CNTN5: variants seen among roughly 807,000 people sequenced by gnomAD.
The protein encoded by CNTN5 is contactin 5.
Under a neutral mutation model 129.1 loss-of-function variants are expected in CNTN5, and 77 were observed. The ratio of observed to expected loss-of-function variants is 0.60; its 90% CI spans 0.50 to 0.72. The LOEUF is 0.72. CNTN5 is among the 30% of genes least tolerant of loss of function. The pLI is 0.00. For synonymous variants in CNTN5, 509 were observed against 465.6 expected (o/e 1.09, Z -1.20); for missense variants, 1,478 against 1,328.8 (o/e 1.11, Z -1.75).
chr11:99,706,702 G>A (rs867243332), intron 3 of CNTN5, among the ~76,000 whole-genome samples: 1 of 151,316 alleles, frequency 6.6e-6, no homozygotes, highest in African/African-American at 2.4e-5. Context: ...ACATTCTTAC[G>A]AGTGAATTCT....
chr11:99,888,010 A>C (rs1043452740), intron 6 of CNTN5, among the ~76,000 whole-genome samples: 4 of 152,094 alleles, frequency 2.6e-5, no homozygotes, highest in African/African-American at 9.7e-5. Flanking sequence ...ATTAACCATC[A>C]CACCTAGGGA....
chr11:99,547,089 C>T (rs1252785882), intron 2 of CNTN5, among the ~76,000 whole-genome samples: 3 of 151,526 alleles, frequency 2.0e-5, no homozygotes, highest in Non-Finnish European at 4.4e-5. Context: ...CCGCAACCTC[C>T]ACTCCCTGGG....
chr11:99,950,043 G>A (rs1035035444), intron 7 of CNTN5, among the ~76,000 whole-genome samples: 3 of 152,130 alleles, frequency 2.0e-5, no homozygotes, highest in Non-Finnish European at 4.4e-5. Flanking sequence ...ATAAAAAAGA[G>A]AAAATTATTA....
chr11:100,262,788 A>G (rs1451815421), intron 17 of CNTN5, among the ~76,000 whole-genome samples: 3 of 152,112 alleles, frequency 2.0e-5, no homozygotes, highest in Non-Finnish European at 4.4e-5. Flanking sequence ...GGGGCCTGCC[A>G]GGGAGTGGGG....
At chr11:99,778,083 A>C (rs12360606) in intron 3 of CNTN5, among the ~76,000 whole-genome samples, 8,602 of 151,820 alleles carry the variant, frequency 0.057, 313 homozygotes, top group Non-Finnish European at 0.083. Flanking sequence ...ATTTTTTTTC[A>C]ACTTATCTTA....
intron 9 of CNTN5, among the ~76,000 whole-genome samples, chr11:100,012,593 T>G (rs1940594829): frequency 6.6e-6 from 1 of 152,162 alleles, no homozygotes; most frequent in Non-Finnish European, 1.5e-5. Context: ...TTAACCTGCC[T>G]CAGGAGAGAA....
intron 3 of CNTN5, among the ~76,000 whole-genome samples, chr11:99,705,126 A>T (rs1052848535): frequency 6.6e-6 from 1 of 151,406 alleles, no homozygotes; most frequent in African/African-American, 2.4e-5. Context: ...GTCACCCAGA[A>T]GTGTATACGA....
chr11:100,030,135 G>A (rs905539792), intron 9 of CNTN5, among the ~76,000 whole-genome samples: 2 of 152,106 alleles, frequency 1.3e-5, no homozygotes, highest in Admixed American at 6.6e-5. Flanking sequence ...AGCACTTTGG[G>A]TGACTGCAGT....
At chr11:99,138,213 G>A (rs1446283697) in intron 1 of CNTN5, among the ~76,000 whole-genome samples, 1 of 151,984 alleles carries the variant, frequency 6.6e-6, no homozygotes, top group African/African-American at 2.4e-5. Context: ...AACATGATAG[G>A]TGTTAGGTGT....
intron 17 of CNTN5, among the ~76,000 whole-genome samples, chr11:100,262,791 G>A (rs1193042820): frequency 6.6e-6 from 1 of 152,134 alleles, no homozygotes; most frequent in Non-Finnish European, 1.5e-5. Flanking sequence ...GCCTGCCAGG[G>A]AGTGGGGTCC....
chr11:99,782,680 C>T (rs1362739560), intron 3 of CNTN5, among the ~76,000 whole-genome samples: 7 of 151,602 alleles, frequency 4.6e-5, no homozygotes, highest in East Asian at 2.0e-4. Context: ...GCCGCATATC[C>T]ACAACTATCT....
chr11:99,961,933 C>A (rs933934256), intron 8 of CNTN5, among the ~76,000 whole-genome samples: 2 of 152,052 alleles, frequency 1.3e-5, no homozygotes, highest in Admixed American at 6.6e-5. Flanking sequence ...GGAACTCACA[C>A]CAACTTGCAA....
intron 12 of CNTN5, among the ~76,000 whole-genome samples, chr11:100,073,889 A>C (rs1045218092): frequency 2.6e-5 from 4 of 152,122 alleles, no homozygotes; most frequent in African/African-American, 9.7e-5. Context: ...GGTAATCATA[A>C]TTAGAACATG....
At chr11:99,788,352 G>A (rs1269602379) in intron 3 of CNTN5, among the ~76,000 whole-genome samples, 1 of 151,844 alleles carries the variant, frequency 6.6e-6, no homozygotes, top group East Asian at 1.9e-4. Context: ...GTTAAAAACT[G>A]TCTTGGGCAA....
At chr11:100,210,163 C>T (rs1428143370) in intron 15 of CNTN5, among the ~76,000 whole-genome samples, 3 of 139,474 alleles carry the variant, frequency 2.2e-5, no homozygotes, top group Non-Finnish European at 4.6e-5. Flanking sequence ...CAGTGAAAAC[C>T]TGCCTCTATA....
At chr11:99,979,178 TGA>T (rs1169783386) in intron 8 of CNTN5, among the ~76,000 whole-genome samples, 1 of 152,186 alleles carries the variant, frequency 6.6e-6, no homozygotes, top group African/African-American at 2.4e-5. Flanking sequence ...GCATGCCCTT[TGA>T]CTCTCGAAGA....
chr11:100,045,695 ATTCT>A (rs1942630888), intron 9 of CNTN5, among the ~76,000 whole-genome samples: 1 of 150,354 alleles, frequency 6.7e-6, no homozygotes, highest in South Asian at 2.1e-4. Context: ...GACTACCTAA[ATTCT>A]TTTAGATGTA....
Position 99,317,535 on chromosome 11 carries a change from A to G in CNTN5, c.-209-7811A>G, listed in dbSNP as rs1442908210. 2.0e-5 allele frequency among the ~76,000 whole-genome samples: 3 copies of G among 151,716 alleles called. No individual in the cohort carries two copies. In the East Asian group the frequency reaches 5.8e-4, roughly 29 times the overall value. On this transcript the variant is annotated intron_variant, in intron 1 of 24. Coordinates refer to ENST00000524871, the MANE Select transcript of CNTN5 (RefSeq NM_014361.4). ...GTTTTTGGAAAAGCTCATTTTGGGAACCTTTCCAGTCTGTCTTGGTGGTTT... is the reference window on the plus strand; with the variant it reads ...GTTTTTGGAAAAGCTCATTTTGGGAGCCTTTCCAGTCTGTCTTGGTGGTTT...
At chr11:99,578,345 G>C (rs1949438801) in intron 3 of CNTN5, among the ~76,000 whole-genome samples, 2 of 151,174 alleles carry the variant, frequency 1.3e-5, no homozygotes, top group South Asian at 4.2e-4. Flanking sequence ...TATATACCCA[G>C]TAATGGGATA....
Sources: allele counts gnomAD v4.1 joint callset (sites outside exome capture counted in the v4.1 genomes callset), GRCh38; gene constraint gnomAD v4.1.1; transcripts MANE v1.5; gene names NCBI Gene and HGNC (gene_info 2026-07-23, HGNC 2026-07-21).